TRPM3: variants seen among roughly 807,000 people sequenced by gnomAD.
TRPM3 encodes the protein transient receptor potential cation channel subfamily M member 3.
TRPM3 carries 77 observed loss-of-function variants against 181.2 expected under a neutral mutation model. The observed-to-expected ratio is 0.42, with a 90% CI of 0.35 to 0.51. TRPM3 has a LOEUF of 0.51. Ranked by LOEUF, TRPM3 falls within the 20% of genes least tolerant of loss-of-function variation. The pLI is 0.01. For synonymous variants in TRPM3, 745 were observed against 796.4 expected (o/e 0.94, Z 1.09); for missense variants, 1,759 against 2,196.7 (o/e 0.80, Z 3.98).
At chr9:70,538,135 A>G (rs1157213160) in intron 25 of TRPM3, among the ~76,000 whole-genome samples, 1 of 152,248 alleles carries the variant, frequency 6.6e-6, no homozygotes, top group East Asian at 1.9e-4. Context: ...GCATAAAGCA[A>G]TTTGTTGTAA....
Position 71,168,533 on chromosome 9 carries a change from GTGAT to G in TRPM3, c.183+278116_183+278119del, listed in dbSNP as rs1220692148. 3.9e-4 allele frequency among the ~76,000 whole-genome samples: 32 copies of G among 82,042 alleles called. 2 individuals carry two copies. The South Asian group carries it at 7.9e-3, about 20-fold the overall frequency. The allele number at this position is 82,042 out of a possible 152,430, so 53.8% of individuals were successfully genotyped here. A position where few individuals can be genotyped will look rare whatever the true frequency, so the allele number is the denominator to read the frequency against. On this transcript the variant is annotated intron_variant, in intron 1 of 24. Transcript: ENST00000357533. The stretch of plus-strand genomic sequence containing the variant: ...TTCTTTTTTTTTTTTTTTTTAAGGT[GTGAT>G]TTATTTATTTATTTATTTATTTATT...
chr9:70,672,988 G>C (rs890102565), intron 9 of TRPM3, among the ~76,000 whole-genome samples: 9 of 152,282 alleles, frequency 5.9e-5, no homozygotes, highest in Middle Eastern at 3.4e-3. Context: ...CTGTGGCTTT[G>C]TAAAGCCAGG....
chr9:70,585,296 C>T (rs1027194628), intron 22 of TRPM3, among the ~76,000 whole-genome samples: 1 of 152,078 alleles, frequency 6.6e-6, no homozygotes, highest in African/African-American at 2.4e-5. Flanking sequence ...CATTTGACAC[C>T]GTTGACCACT....
upstream of TRPM3, among the ~76,000 whole-genome samples, chr9:71,123,929 A>G (rs935957828): frequency 1.3e-5 from 2 of 152,222 alleles, no homozygotes; most frequent in South Asian, 2.1e-4. Context: ...TGACAGCATC[A>G]TTCTGAAAAC....
At chr9:71,339,353 T>C (rs2090793546) in intron 1 of TRPM3, among the ~76,000 whole-genome samples, 2 of 152,066 alleles carry the variant, frequency 1.3e-5, no homozygotes. Context: ...GAAAAATTGA[T>C]ATGCAAGAAT....
intron 1 of TRPM3, among the ~76,000 whole-genome samples, chr9:71,179,499 A>G (rs1313792569): frequency 1.3e-5 from 2 of 152,276 alleles, no homozygotes; most frequent in East Asian, 3.9e-4. Flanking sequence ...AATGCATACT[A>G]TGTAAAATAA....
chr9:70,893,517 T>C (rs2096241672), intron 1 of TRPM3, among the ~76,000 whole-genome samples: 1 of 152,156 alleles, frequency 6.6e-6, no homozygotes, highest in Admixed American at 6.6e-5. Flanking sequence ...AATATCCAAT[T>C]GTCCCATGGT....
At chr9:71,308,614 C>T (rs2087611677) in intron 1 of TRPM3, among the ~76,000 whole-genome samples, 1 of 152,096 alleles carries the variant, frequency 6.6e-6, no homozygotes, top group Non-Finnish European at 1.5e-5. Context: ...TGGTCTGACT[C>T]AGAAGGAAAA....
intron 1 of TRPM3, among the ~76,000 whole-genome samples, chr9:71,390,827 CT>C (rs1394429309): frequency 6.6e-6 from 1 of 151,958 alleles, no homozygotes; most frequent in Non-Finnish European, 1.5e-5. Context: ...TCCACGATTA[CT>C]TTTCCATTGC....
intron 1 of TRPM3, among the ~76,000 whole-genome samples, chr9:70,960,042 A>G (rs2097121798): frequency 6.6e-6 from 1 of 151,596 alleles, no homozygotes; most frequent in African/African-American, 2.4e-5. Context: ...AGGCAACTTC[A>G]GCTCTTGCCT....
At chr9:71,335,656 T>C (rs1013665022) in intron 1 of TRPM3, among the ~76,000 whole-genome samples, 5 of 152,162 alleles carry the variant, frequency 3.3e-5, no homozygotes, top group Admixed American at 6.6e-5. Flanking sequence ...CTGAGTTATT[T>C]AAAAGAATAC....
chr9:71,371,199 A>G (rs2092499832), intron 1 of TRPM3, among the ~76,000 whole-genome samples: 1 of 152,208 alleles, frequency 6.6e-6, no homozygotes, highest in South Asian at 2.1e-4. Context: ...TCTGCAGCCC[A>G]TGGATCAAGG....
chr9:70,574,092 GCACA>G (rs1554756427), intron 22 of TRPM3, among the ~76,000 whole-genome samples: 23 of 119,166 alleles, frequency 1.9e-4, no homozygotes, highest in East Asian at 6.7e-4. Flanking sequence ...ACACGCGCGC[GCACA>G]CACACACACA....
intron 1 of TRPM3, among the ~76,000 whole-genome samples, chr9:71,393,421 A>G (rs2132964931): frequency 6.6e-6 from 1 of 152,294 alleles, no homozygotes; most frequent in East Asian, 1.9e-4. Flanking sequence ...GGGGCAAGAA[A>G]TGAAAAGGGA....
chr9:71,121,637 C>A (rs979699609), upstream of TRPM3: 22 of 1,175,380 alleles, frequency 1.9e-5, no homozygotes, highest in Non-Finnish European at 2.1e-5. Flanking sequence ...CTCCCTCTCC[C>A]GCTCTCCTCC....
chr9:70,665,375 T>G (rs1715186758), intron 9 of TRPM3, among the ~76,000 whole-genome samples: 1 of 152,148 alleles, frequency 6.6e-6, no homozygotes, highest in South Asian at 2.1e-4. Context: ...TTGGTGATCT[T>G]GGCCAGGATT....
At chr9:71,015,080 A>G (rs2097773799) in intron 1 of TRPM3, among the ~76,000 whole-genome samples, 1 of 152,110 alleles carries the variant, frequency 6.6e-6, no homozygotes, top group South Asian at 2.1e-4. Flanking sequence ...TATTCTTTCC[A>G]GTTACATTTC....
chr9:71,432,634 A>G (rs1244622047), intron 1 of TRPM3, among the ~76,000 whole-genome samples: 3 of 152,196 alleles, frequency 2.0e-5, no homozygotes, highest in African/African-American at 7.2e-5. Flanking sequence ...TTAAATGCAT[A>G]AAAACTCATT....
At chr9:71,383,674 T>C (rs530624691) in intron 1 of TRPM3, among the ~76,000 whole-genome samples, 4 of 152,224 alleles carry the variant, frequency 2.6e-5, no homozygotes. Flanking sequence ...ACCCCTTTTT[T>C]GCTTTTCCCT....
Sources: allele counts gnomAD v4.1 joint callset (sites outside exome capture counted in the v4.1 genomes callset), GRCh38; gene constraint gnomAD v4.1.1; transcripts MANE v1.5; gene names NCBI Gene and HGNC (gene_info 2026-07-23, HGNC 2026-07-21).